ZNF729: variants seen among roughly 807,000 people sequenced by gnomAD.
ZNF729 encodes the protein zinc finger protein 729.
Under a neutral mutation model 12.2 loss-of-function variants are expected in ZNF729, and 15 were observed. That is an observed-to-expected ratio of 1.23 (90% CI 0.82 to 1.89). ZNF729 has a LOEUF of 1.89. Ranked by LOEUF, ZNF729 falls within the 40% of genes most tolerant of loss-of-function variation. ZNF729 has a pLI of 0.00. For synonymous variants in ZNF729, 492 were observed against 476.3 expected (o/e 1.03, Z -0.43); for missense variants, 1,540 against 1,456.7 (o/e 1.06, Z -0.93).
At chr19:22,305,428 T>C (rs1186193413) in intron 3 of ZNF729, among the ~76,000 whole-genome samples, 1 of 152,172 alleles carries the variant, frequency 6.6e-6, no homozygotes, top group Non-Finnish European at 1.5e-5. Context: ...AAATGGGGTC[T>C]CAGTGTCTGC....
At position 22,317,049 on chromosome 19, in the gene ZNF729, C is replaced by CCTA; in HGVS notation, c.3633_3634insTAC (p.Thr1211_Arg1212insTyr). 1 of 1,606,488 alleles carries CCTA rather than the reference C, an allele frequency of 6.2e-7. No homozygotes were observed. Among genetic ancestry groups the CCTA allele is most frequent in the Non-Finnish European group, 8.5e-7 (1 of 1,178,282 alleles). On this transcript the variant is annotated inframe_insertion, in exon 4 of 4. Coordinates refer to ENST00000601693, the MANE Select transcript of ZNF729 (RefSeq NM_001242680.2). ...CTTATTAGACATAAAACAATTCATA[C>CCTA]CAGAGAGAAACCTACAAATGTGAAG...
At chr19:22,291,470 T>A (rs1481969259) in intron 1 of ZNF729, among the ~76,000 whole-genome samples, 1 of 152,208 alleles carries the variant, frequency 6.6e-6, no homozygotes, top group Non-Finnish European at 1.5e-5. Flanking sequence ...TACGGCATTT[T>A]TGATCCTAGC....
rs751053772 is a variant in ZNF729 at position 22,317,019 on chromosome 19, C to T, written c.3602C>T (p.Ser1201Leu). The change falls in exon 4 of 4, where the codon TCA becomes TTA. Residue 1201 changes from serine to leucine, a missense_variant. Ser to Leu is a moderately radical substitution (Grantham distance 145). Coordinates refer to ENST00000601693, the MANE Select transcript of ZNF729 (RefSeq NM_001242680.2). ...TGTGGCAAAGCTTTTATTCAGTGCT[C>T]ATACCTTATTAGACATAAAACAATT... ...EECGKAFIQCSYLIRHKTIHT... is the reference protein window; with the variant it reads ...EECGKAFIQCLYLIRHKTIHT... 1.6e-5 allele frequency: 26 copies of T among 1,610,868 alleles called. No homozygotes were observed. The highest frequency in any genetic ancestry group is 2.7e-5 in the African/African-American group (2 of 74,412).
intron 1 of ZNF729, among the ~76,000 whole-genome samples, chr19:22,290,444 C>CT (rs1213235751): frequency 6.6e-6 from 1 of 152,192 alleles, no homozygotes; most frequent in Non-Finnish European, 1.5e-5. Flanking sequence ...AGTACCAACT[C>CT]TGAGATCTTC....
intron 1 of ZNF729, among the ~76,000 whole-genome samples, chr19:22,287,238 CAA>C (rs34031946): frequency 7.1e-6 from 1 of 140,824 alleles, no homozygotes; most frequent in Non-Finnish European, 1.6e-5. Context: ...GTATAATTTA[CAA>C]AAAAAAAAAT....
intron 1 of ZNF729, chr19:22,299,616 A>G (rs1285134824): frequency 1.3e-5 from 2 of 152,880 alleles, no homozygotes; most frequent in Non-Finnish European, 2.9e-5. Context: ...TTTCTGTCCA[A>G]TGCTTTGGGT....
chr19:22,310,011 G>A (rs531725715), intron 3 of ZNF729, among the ~76,000 whole-genome samples: 21 of 151,198 alleles, frequency 1.4e-4, no homozygotes, highest in Non-Finnish European at 2.7e-4. Flanking sequence ...TTGACTCTCT[G>A]CTTGGTCGCT....
Position 22,315,623 on chromosome 19 carries a change from G to T in ZNF729, c.2206G>T (p.Ala736Ser), listed in dbSNP as rs539257692. Reference sequence around the variant, plus strand: ...TACTGTACATAAGGTAATTCATACTGCAGAGAAACCCTGCAAATGTGAAGA... The same window carrying T: ...TACTGTACATAAGGTAATTCATACTTCAGAGAAACCCTGCAAATGTGAAGA... ...KLTVHKVIHTAEKPCKCEECG... is the reference protein window; with the variant it reads ...KLTVHKVIHTSEKPCKCEECG... Residue 736 changes from alanine to serine, a missense_variant, in exon 4 of 4, where the codon GCA (alanine) becomes TCA (serine). Physicochemically the swap from Ala to Ser is moderately conservative, Grantham distance 99. Coordinates refer to ENST00000601693, the MANE Select transcript of ZNF729 (RefSeq NM_001242680.2). 6.2e-6 allele frequency: 10 copies of T among 1,608,686 alleles called. No homozygotes were observed. The highest frequency in any genetic ancestry group is 3.3e-5 in the Admixed American group (2 of 59,846).
rs1307172671 is a variant in ZNF729 at position 22,313,832 on chromosome 19, TATA to T, written c.420_422del (p.Asn140del). 26 of 1,578,032 alleles carry T rather than the reference TATA, an allele frequency of 1.6e-5. No individual in the cohort carries two copies. Among genetic ancestry groups the T allele is most frequent in the Non-Finnish European group, 2.1e-5 (25 of 1,163,150 alleles). ...TGAGGGTAAGATGCACAAAGAAGGTTATAATAAACTTAACCAATGCAGGACAGC... is the reference window on the plus strand; with the variant it reads ...TGAGGGTAAGATGCACAAAGAAGGTTATAAACTTAACCAATGCAGGACAGC... On this transcript the variant is annotated inframe_deletion, in exon 4 of 4. Coordinates refer to ENST00000601693, the MANE Select transcript of ZNF729 (RefSeq NM_001242680.2).
chr19:22,314,780 A>G lies in ZNF729; in HGVS notation c.1363A>G (p.Thr455Ala), dbSNP rs1036799459. Reference sequence around the variant, plus strand: ...CCTTATGAAACATAAGATAATTCATACTGGGGAGAAACCATACAAATGTGA... The same window carrying G: ...CCTTATGAAACATAAGATAATTCATGCTGGGGAGAAACCATACAAATGTGA... Reference protein sequence around the residue: ...STLMKHKIIHTGEKPYKCEEC... With the variant: ...STLMKHKIIHAGEKPYKCEEC... The change falls in exon 4 of 4, where the codon ACT becomes GCT. Residue 455 changes from threonine to alanine, a missense_variant. Transcript: ENST00000601693. The G allele has an allele frequency of 3.1e-6, 5 of 1,613,692 alleles. No individual in the cohort carries two copies. The highest frequency in any genetic ancestry group is 4.2e-6 in the Non-Finnish European group (5 of 1,179,908).
chr19:22,308,962 T>A (rs1307550391), intron 3 of ZNF729, among the ~76,000 whole-genome samples: 2 of 152,212 alleles, frequency 1.3e-5, no homozygotes, highest in Non-Finnish European at 2.9e-5. Context: ...TGGGTTCTTG[T>A]ATATGAAATC....
At chr19:22,287,021 T>C (rs1599749920) in intron 1 of ZNF729, among the ~76,000 whole-genome samples, 1 of 152,204 alleles carries the variant, frequency 6.6e-6, no homozygotes, top group Non-Finnish European at 1.5e-5. Context: ...AGCACCCAGC[T>C]ATGGTTTGTA....
At position 22,290,893 on chromosome 19, in the gene ZNF729, T is replaced by A. The variant is rs1968143383; in HGVS notation, c.30+4338T>A. ...GATTGTATCTTTTCTAATAAACTGA[T>A]AAATGTAACTAGGTTGTTTTCCTGA... On this transcript the variant is annotated intron_variant, in intron 1 of 3. Transcript: ENST00000601693. Among the ~76,000 whole-genome samples, 3 of 152,142 alleles carry A rather than the reference T, an allele frequency of 2.0e-5. No homozygotes were observed. In the South Asian group the frequency reaches 6.2e-4, roughly 31 times the overall value.
intron 1 of ZNF729, among the ~76,000 whole-genome samples, chr19:22,293,328 G>C (rs113101526): frequency 0.022 from 3,332 of 151,714 alleles, 111 homozygotes; most frequent in African/African-American, 0.077. Flanking sequence ...TGGAATTACA[G>C]GGACTTGCCA....
intron 1 of ZNF729, among the ~76,000 whole-genome samples, chr19:22,301,522 C>G (rs80196864): frequency 8.6e-4 from 16 of 18,652 alleles, no homozygotes; most frequent in East Asian, 1.5e-3. Context: ...GATCTGGCCT[C>G]TGCCTAAGAT....
intron 1 of ZNF729, among the ~76,000 whole-genome samples, chr19:22,298,737 C>T (rs1968265149): frequency 6.6e-6 from 1 of 152,170 alleles, no homozygotes; most frequent in Non-Finnish European, 1.5e-5. Flanking sequence ...TGGTCTCAAA[C>T]TCCTGAGCCC....
Position 22,316,846 on chromosome 19 carries a change from G to A in ZNF729, c.3429G>A (p.Gln1143=). The A allele has an allele frequency of 6.2e-7, 1 of 1,612,466 alleles. No individual in the cohort carries two copies. The highest frequency in any genetic ancestry group is 1.1e-5 in the South Asian group (1 of 91,016). The change falls in exon 4 of 4, where the codon CAG becomes CAA. Residue 1143 remains glutamine (Q), a synonymous_variant. Coordinates refer to ENST00000601693, the MANE Select transcript of ZNF729 (RefSeq NM_001242680.2). ...AAGAATGTGGCAAAGCCTTTAGTCA[G>A]TCCTCAATCCTTACTAAACATAAGA... ...KCEECGKAFS[Q]SSILTKHKII...
At chr19:22,292,981 A>T (rs1027408468) in intron 1 of ZNF729, among the ~76,000 whole-genome samples, 1 of 152,154 alleles carries the variant, frequency 6.6e-6, no homozygotes, top group Non-Finnish European at 1.5e-5. Flanking sequence ...ATTTACACTC[A>T]TGCCAGCAGC....
At position 22,315,779 on chromosome 19, in the gene ZNF729, G is replaced by T. The variant is rs1252062662; in HGVS notation, c.2362G>T (p.Val788Leu). Residue 788 changes from valine (V) to leucine (L), a missense_variant, in exon 4 of 4, where the codon GTA becomes TTA. By Grantham distance (32) the Val-to-Leu change is conservative. Coordinates refer to ENST00000601693, the MANE Select transcript of ZNF729 (RefSeq NM_001242680.2). ...NSFSALMKHK[V>L]IHTGEKPYKC... ...TTTCTCAGCCCTTATGAAACATAAG[G>T]TAATTCATACTGGAGAGAAACCCTA... 3 of 1,605,138 alleles carry T rather than the reference G, an allele frequency of 1.9e-6. No individual in the cohort carries two copies. The highest frequency in any genetic ancestry group is 1.7e-6 in the Non-Finnish European group (2 of 1,177,876).
Sources: gnomAD v4.1 joint callset for allele counts (sites outside exome capture counted in the v4.1 genomes callset) on GRCh38, gnomAD v4.1.1 for gene constraint, MANE v1.5 for transcripts, NCBI Gene and HGNC (gene_info 2026-07-23, HGNC 2026-07-21) for gene names.